STK24: variants seen among roughly 807,000 people sequenced by gnomAD.
STK24 encodes the protein serine/threonine-protein kinase 24.
In STK24, 21 loss-of-function variants were observed where a neutral mutation model predicts 55.6. The observed-to-expected ratio is 0.38, with a 90% CI of 0.27 to 0.54. STK24 has a LOEUF of 0.54. Among genes scored for constraint, STK24 ranks in the 20% least tolerant of loss-of-function variants. The pLI is 0.79. For synonymous variants in STK24, 200 were observed against 215.2 expected (o/e 0.93, Z 0.62); for missense variants, 383 against 538.4 (o/e 0.71, Z 2.86).
In STK24 at chr13:98,569,078, A is replaced by G. The variant is rs568918352; in HGVS notation, c.42+7667T>C. 3.4e-4 allele frequency among the ~76,000 whole-genome samples: 52 copies of G among 152,312 alleles called. No individual in the cohort carries two copies. In the East Asian group the frequency reaches 9.6e-3, roughly 28 times the overall value. On this transcript the variant is annotated intron_variant, in intron 1 of 10. Transcript: ENST00000539966. The stretch of plus-strand genomic sequence containing the variant: ...CGAAAACAGCCCCACTCCAAGCCAC[A>G]TCATTGTGAAACTTCAGAACTCAAG...
chr13:98,475,441 T>C (rs1894331044), intron 3 of STK24, 83 bp from the exon 4 acceptor site: 1 of 921,780 alleles, frequency 1.1e-6, no homozygotes, highest in East Asian at 2.6e-5. Flanking sequence ...ACTATCCATG[T>C]TAATGGACAA....
At chr13:98,500,594 G>A (rs563292697) in intron 2 of STK24, among the ~76,000 whole-genome samples, 3 of 152,008 alleles carry the variant, frequency 2.0e-5, no homozygotes, top group African/African-American at 4.8e-5. Context: ...CTATGGAAAC[G>A]CTACCTTAGG....
intron 2 of STK24, among the ~76,000 whole-genome samples, chr13:98,510,118 C>G: frequency 6.6e-6 from 1 of 152,176 alleles, no homozygotes; most frequent in Admixed American, 6.5e-5. Flanking sequence ...AAGAACCAAC[C>G]ACATTACCCC....
intron 1 of STK24, among the ~76,000 whole-genome samples, chr13:98,563,546 A>G (rs1376643555): frequency 6.6e-6 from 1 of 152,148 alleles, no homozygotes; most frequent in African/African-American, 2.4e-5. Context: ...TTACCCTTGT[A>G]TTTTAAAATG....
At position 98,459,325 on chromosome 13, in the gene STK24, C is replaced by T. The variant is rs1440435643; in HGVS notation, c.1122+1047G>A. Among the ~76,000 whole-genome samples the T allele has an allele frequency of 4.5e-4, 68 of 152,248 alleles. 4 individuals carry two copies. Among genetic ancestry groups the T allele is most frequent in the Admixed American group, 4.3e-3 (66 of 15,292 alleles). The stretch of plus-strand genomic sequence containing the variant: ...GGGCCTCCGCGTGCCCTGTGGCTTC[C>T]CCGACACCAGCGGGCTCGGCTACTT... On this transcript the variant is annotated intron_variant, in intron 9 of 10. Coordinates refer to ENST00000539966, the MANE Select transcript of STK24 (RefSeq NM_001032296.4).
intron 1 of STK24, among the ~76,000 whole-genome samples, chr13:98,571,419 A>G (rs1490052642): frequency 6.6e-6 from 1 of 152,078 alleles, no homozygotes. Flanking sequence ...CAAGCTAGAA[A>G]ATCTCATCTG....
chr13:98,540,952 C>T (rs1896871844), intron 1 of STK24, among the ~76,000 whole-genome samples: 1 of 152,068 alleles, frequency 6.6e-6, no homozygotes, highest in African/African-American at 2.4e-5. Flanking sequence ...CAGGCCTCCA[C>T]AGACAAGGTT....
Position 98,446,686 on chromosome 13 carries a change from C to T in STK24, c.*6487G>A. On this transcript the variant is annotated 3_prime_UTR_variant, in exon 11 of 11. Coordinates refer to ENST00000539966, the MANE Select transcript of STK24 (RefSeq NM_001032296.4). ...TCCAGGACAATCATCCCCTTGCCAG[C>T]CTGCCTCTGCTCGGCTACTCGCTCA... 6.2e-7 allele frequency: 1 copy of T among 1,614,134 alleles called. No individual in the cohort carries two copies.
intron 1 of STK24, among the ~76,000 whole-genome samples, chr13:98,558,358 C>G (rs1414491573): frequency 6.6e-6 from 1 of 152,154 alleles, no homozygotes; most frequent in Admixed American, 6.5e-5. Context: ...AGGAGGAATC[C>G]TGTTTTCATG....
At chr13:98,548,860 T>TC (rs1217680664) in intron 1 of STK24, among the ~76,000 whole-genome samples, 2 of 46,874 alleles carry the variant, frequency 4.3e-5, no homozygotes, top group Non-Finnish European at 6.9e-5. Context: ...AGACTCTGTC[T>TC]CAAAAAAAAA....
chr13:98,457,011 C>T (rs776611425), intron 10 of STK24, 157 bp downstream of exon 10: 15 of 894,638 alleles, frequency 1.7e-5, no homozygotes, highest in Non-Finnish European at 2.3e-5. Context: ...TTCTAGAATT[C>T]AGAACAAAGT....
intron 1 of STK24, among the ~76,000 whole-genome samples, chr13:98,562,995 A>C (rs1454486195): frequency 6.6e-6 from 1 of 152,154 alleles, no homozygotes; most frequent in Non-Finnish European, 1.5e-5. Flanking sequence ...CTGCATGCAC[A>C]GAAACGTCTG....
At chr13:98,570,655 C>A (rs1317679909) in intron 1 of STK24, among the ~76,000 whole-genome samples, 1 of 152,164 alleles carries the variant, frequency 6.6e-6, no homozygotes, top group Non-Finnish European at 1.5e-5. Context: ...TGACTGGTAA[C>A]CACCAATTTG....
At chr13:98,491,057 C>T (rs1287805373) in intron 2 of STK24, among the ~76,000 whole-genome samples, 1 of 152,148 alleles carries the variant, frequency 6.6e-6, no homozygotes, top group African/African-American at 2.4e-5. Flanking sequence ...CACTGGTTGT[C>T]CTTCCCTTTC....
chr13:98,507,200 C>T (rs1895717745), intron 2 of STK24, among the ~76,000 whole-genome samples: 1 of 152,200 alleles, frequency 6.6e-6, no homozygotes, highest in Non-Finnish European at 1.5e-5. Context: ...GGAGAACACA[C>T]CACTGGAGAG....
intron 1 of STK24, among the ~76,000 whole-genome samples, chr13:98,541,161 G>T (rs1486525830): frequency 6.6e-6 from 1 of 152,148 alleles, no homozygotes; most frequent in Non-Finnish European, 1.5e-5. Context: ...TTACATACAA[G>T]AATATATAGC....
chr13:98,520,140 G>C (rs986598290), intron 1 of STK24, among the ~76,000 whole-genome samples: 7 of 151,684 alleles, frequency 4.6e-5, no homozygotes, highest in Non-Finnish European at 7.4e-5. Context: ...CTAGCTGTCA[G>C]AGCTCAAGCT....
intron 2 of STK24, among the ~76,000 whole-genome samples, chr13:98,494,193 C>T (rs1481410928): frequency 2.1e-5 from 3 of 144,870 alleles, no homozygotes; most frequent in Non-Finnish European, 4.6e-5. Flanking sequence ...GGGTGGATCA[C>T]GAGGTCAGGA....
rs978779776 is a variant in STK24, at chr13:98,452,938, A to G, written c.*235T>C. On this transcript the variant is annotated 3_prime_UTR_variant, in exon 11 of 11. Coordinates refer to ENST00000539966, the MANE Select transcript of STK24 (RefSeq NM_001032296.4). ...TTAAAATTAAAAACAAAAGTAATAA[A>G]ATAAAATAAAATGATCGCTGGAAGG... 42 of 438,116 alleles carry G rather than the reference A, an allele frequency of 9.6e-5. 1 individual carries two copies. Among genetic ancestry groups the G allele is most frequent in the African/African-American group, 8.3e-4 (41 of 49,154 alleles). 27.1% of individuals were successfully genotyped at this position (438,116 alleles called of 1,614,324 possible).
Sources: allele counts gnomAD v4.1 joint callset (sites outside exome capture counted in the v4.1 genomes callset), GRCh38; gene constraint gnomAD v4.1.1; transcripts MANE v1.5; gene names NCBI Gene and HGNC (gene_info 2026-07-23, HGNC 2026-07-21).